The following FAM114A1 variants were observed in gnomAD, a reference collection of about 807,000 sequenced individuals.
FAM114A1 encodes the protein family with sequence similarity 114 member A1.
Under a neutral mutation model 64.3 loss-of-function variants are expected in FAM114A1, and 62 were observed. The observed-to-expected ratio is 0.96, with a 90% CI of 0.79 to 1.19. The LOEUF is 1.19. Among genes scored for constraint, FAM114A1 ranks in the 50% most tolerant of loss-of-function variants. The pLI is 0.00. For missense variants in FAM114A1, 645 were observed against 676.3 expected (o/e 0.95, Z 0.51); for synonymous variants, 254 against 251.1 (o/e 1.01, Z -0.11).
At chr4:38,935,605 A>G (rs1177162515) in intron 12 of FAM114A1, 113 bp from the exon 13 acceptor site, 3 of 672,598 alleles carry the variant, frequency 4.5e-6, no homozygotes, top group East Asian at 2.9e-5. Flanking sequence ...ATCTTCAAGC[A>G]TGTGTGGCAT....
Position 38,943,616 on chromosome 4 carries a change from C to A in FAM114A1, c.*59C>A. Reference sequence around the variant, plus strand: ...CTGGCCGCCTTGCCTCAATATGTACCATTTAAGGGGATGTTCTCTGTGCGC... The same window carrying A: ...CTGGCCGCCTTGCCTCAATATGTACAATTTAAGGGGATGTTCTCTGTGCGC... On this transcript the variant is annotated 3_prime_UTR_variant, in exon 15 of 15. Transcript: ENST00000358869. 2 of 1,430,414 alleles carry A rather than the reference C, an allele frequency of 1.4e-6. No individual in the cohort carries two copies. The highest frequency in any genetic ancestry group is 1.2e-5 in the South Asian group (1 of 86,564). The allele number at this position is 1,430,414 out of a possible 1,614,324, so 88.6% of individuals were successfully genotyped here. A position where few individuals can be genotyped will look rare whatever the true frequency, so the allele number is the denominator to read the frequency against.
intron 2 of FAM114A1, among the ~76,000 whole-genome samples, chr4:38,876,670 C>T (rs192559503): frequency 9.8e-5 from 15 of 152,350 alleles, no homozygotes; most frequent in Middle Eastern, 3.4e-3. Context: ...ACTAACTTCA[C>T]GGCTTTTGCC....
intron 3 of FAM114A1, among the ~76,000 whole-genome samples, chr4:38,883,383 G>T (rs1715486735): frequency 6.6e-6 from 1 of 152,172 alleles, no homozygotes; most frequent in Non-Finnish European, 1.5e-5. Context: ...TGTTCCCAGA[G>T]CTCTTATGGG....
intron 3 of FAM114A1, among the ~76,000 whole-genome samples, chr4:38,879,812 C>T (rs1363695471): frequency 6.6e-6 from 1 of 152,080 alleles, no homozygotes; most frequent in Non-Finnish European, 1.5e-5. Context: ...GCCCCTAGAC[C>T]AGAAGTTCTC....
intron 9 of FAM114A1, among the ~76,000 whole-genome samples, chr4:38,926,183 C>A (rs1308576561): frequency 6.6e-6 from 1 of 152,222 alleles, no homozygotes; most frequent in African/African-American, 2.4e-5. Flanking sequence ...CTGTGACTGG[C>A]CCCAGGCCAC....
At chr4:38,877,381 C>T (rs927359199) in intron 2 of FAM114A1, among the ~76,000 whole-genome samples, 4 of 152,158 alleles carry the variant, frequency 2.6e-5, no homozygotes, top group African/African-American at 9.7e-5. Flanking sequence ...GACAGATCAT[C>T]AGGCATTAGA....
Position 38,931,448 on chromosome 4 carries a change from C to G in FAM114A1, c.1162-3C>G, listed in dbSNP as rs753452833. The G allele has an allele frequency of 3.7e-6, 6 of 1,604,032 alleles. No homozygotes were observed. The Middle Eastern group carries it at 8.3e-4, about 222-fold the overall frequency. On this transcript the variant is annotated splice_region_variant and splice_polypyrimidine_tract_variant and intron_variant, in intron 10 of 14. Transcript: ENST00000358869. Reference sequence around the variant, plus strand: ...AGGATTGTTTGGTTGGGGACCTCTGCAGGCCATGAAGAGGGCTCATGACTG... The same window carrying G: ...AGGATTGTTTGGTTGGGGACCTCTGGAGGCCATGAAGAGGGCTCATGACTG...
intron 7 of FAM114A1, 49 bp downstream of exon 7, chr4:38,908,775 T>C: frequency 6.8e-7 from 1 of 1,463,910 alleles, no homozygotes; most frequent in Non-Finnish European, 9.2e-7. Context: ...ATAAAGTAAA[T>C]AAATTTTTTA....
chr4:38,901,941 G>A lies in FAM114A1; in HGVS notation c.437-3581G>A, dbSNP rs1172925406. ...TTGTTCTTTGGTCAAGGTAAGGTAA[G>A]TCAAGTGCATTTTAGAATAAAACAA... On this transcript the variant is annotated intron_variant, in intron 4 of 14. Coordinates refer to ENST00000358869, the MANE Select transcript of FAM114A1 (RefSeq NM_138389.4). Among the ~76,000 whole-genome samples the A allele has an allele frequency of 3.9e-5, 6 of 152,348 alleles. No individual in the cohort carries two copies. In the East Asian group the frequency reaches 1.2e-3, roughly 29 times the overall value.
chr4:38,869,395 C>T (rs1343953058), intron 2 of FAM114A1, among the ~76,000 whole-genome samples: 6 of 152,024 alleles, frequency 3.9e-5, no homozygotes, highest in African/African-American at 1.4e-4. Flanking sequence ...CCAGCGTAAG[C>T]AAAGGCAGGG....
chr4:38,874,714 G>A lies in FAM114A1; in HGVS notation c.-8-3357G>A, dbSNP rs532739363. Among the ~76,000 whole-genome samples the A allele has an allele frequency of 6.6e-5, 10 of 152,196 alleles. No individual in the cohort carries two copies. In the South Asian group the frequency reaches 2.1e-3, roughly 32 times the overall value. On this transcript the variant is annotated intron_variant, in intron 2 of 14. Transcript: ENST00000358869. ...TTTTGTTTTTGCTGCAATTGCTTTT[G>A]GAGTCTTTGTCATGAAATCTTTGCC...
chr4:38,882,561 G>A (rs113105920), intron 3 of FAM114A1, among the ~76,000 whole-genome samples: 7 of 152,132 alleles, frequency 4.6e-5, no homozygotes, highest in East Asian at 1.9e-4. Context: ...CCCGGGAGGC[G>A]GAGGTTGCGG....
At chr4:38,934,521 A>G (rs1264862126) in intron 12 of FAM114A1, among the ~76,000 whole-genome samples, 1 of 152,202 alleles carries the variant, frequency 6.6e-6, no homozygotes, top group African/African-American at 2.4e-5. Flanking sequence ...ATTTTAACAT[A>G]TAAGATTCTT....
intron 3 of FAM114A1, among the ~76,000 whole-genome samples, chr4:38,888,334 A>C (rs1182054911): frequency 6.6e-6 from 1 of 152,142 alleles, no homozygotes; most frequent in Non-Finnish European, 1.5e-5. Context: ...CCTGGGCAAC[A>C]TAGTGAGATC....
At chr4:38,923,670 G>T (rs765577184) in intron 9 of FAM114A1, among the ~76,000 whole-genome samples, 31 of 152,134 alleles carry the variant, frequency 2.0e-4, no homozygotes, top group South Asian at 6.2e-4. Context: ...ATTTGCAGGT[G>T]TCCTACGCTC....
chr4:38,902,797 T>A (rs1005269660), intron 4 of FAM114A1, among the ~76,000 whole-genome samples: 5 of 152,124 alleles, frequency 3.3e-5, no homozygotes, highest in African/African-American at 4.8e-5. Context: ...TGTTTTTCTC[T>A]TATTAGTAGG....
chr4:38,901,592 C>T (rs188866713), intron 4 of FAM114A1, among the ~76,000 whole-genome samples: 101 of 152,264 alleles, frequency 6.6e-4, no homozygotes, highest in Non-Finnish European at 5.9e-5. Flanking sequence ...ATGCCCGGTC[C>T]ATCATATTCT....
chr4:38,897,686 G>T (rs1161816231), intron 4 of FAM114A1, among the ~76,000 whole-genome samples: 1 of 151,906 alleles, frequency 6.6e-6, no homozygotes, highest in East Asian at 1.9e-4. Flanking sequence ...TTTTAGAAAA[G>T]AGGGTTTTTG....
chr4:38,922,710 T>G (rs1001304751), intron 8 of FAM114A1, 60 bp from the exon 9 acceptor site: 4 of 1,569,010 alleles, frequency 2.5e-6, no homozygotes, highest in Non-Finnish European at 3.4e-6. Context: ...GACCGCTGTG[T>G]GTAAACGTTA....
Sources: allele counts gnomAD v4.1 joint callset (sites outside exome capture counted in the v4.1 genomes callset), GRCh38; gene constraint gnomAD v4.1.1; transcripts MANE v1.5; gene names NCBI Gene and HGNC (gene_info 2026-07-23, HGNC 2026-07-21).